ADGRF5: variants seen among roughly 807,000 people sequenced by gnomAD.
ADGRF5 encodes the protein G-protein coupled receptor 116.
ADGRF5 carries 75 observed loss-of-function variants against 132.3 expected under a neutral mutation model. That is an observed-to-expected ratio of 0.57 (90% CI 0.47 to 0.69). The LOEUF is 0.69. Among genes scored for constraint, ADGRF5 ranks in the 30% least tolerant of loss-of-function variants. The pLI is 0.00. For missense variants in ADGRF5, 1,516 were observed against 1,630.6 expected (o/e 0.93, Z 1.21); for synonymous variants, 629 against 597.6 (o/e 1.05, Z -0.77).
rs958621072 is a variant in ADGRF5, at chr6:46,872,125, C to A, written c.1241-112G>T. ...AAGGAGTTACTATTTAAATAGATTT[C>A]TTCTCTGAATGGAGAAGTTGGGTTT... On this transcript the variant is annotated intron_variant, in intron 10 of 20. Transcript: ENST00000283296. 31 of 726,970 alleles carry A rather than the reference C, an allele frequency of 4.3e-5. No individual in the cohort carries two copies. In the Admixed American group the frequency reaches 8.3e-4, roughly 19 times the overall value. 45.0% of individuals were successfully genotyped at this position (726,970 alleles called of 1,614,324 possible).
chr6:46,889,550 A>ATG (rs1278635295), intron 3 of ADGRF5, among the ~76,000 whole-genome samples: 9 of 68,940 alleles, frequency 1.3e-4, no homozygotes, highest in African/African-American at 4.6e-4. Context: ...CACTATATAT[A>ATG]TATGTGTGTG....
intron 10 of ADGRF5, among the ~76,000 whole-genome samples, chr6:46,876,597 A>G (rs1581798700): frequency 1.3e-5 from 2 of 151,954 alleles, no homozygotes; most frequent in African/African-American, 4.8e-5. Flanking sequence ...CTGTAAATTG[A>G]TAGTTTTTGT....
At chr6:46,887,621 T>G (rs1168588283) in intron 4 of ADGRF5, among the ~76,000 whole-genome samples, 2 of 152,170 alleles carry the variant, frequency 1.3e-5, no homozygotes, top group East Asian at 3.8e-4. Flanking sequence ...CAAGAAGAAT[T>G]TCAAAAACAG....
intron 1 of ADGRF5, among the ~76,000 whole-genome samples, chr6:46,948,252 C>T (rs980056680): frequency 4.6e-5 from 7 of 152,132 alleles, no homozygotes. Flanking sequence ...GCACAAGTTT[C>T]TTGTAAGAAG....
intron 6 of ADGRF5, 149 bp downstream of exon 6, chr6:46,883,410 C>T (rs2150841768): frequency 1.6e-6 from 1 of 619,660 alleles, no homozygotes; most frequent in African/African-American, 1.9e-5. Context: ...GATTTGAGCA[C>T]ATATTAATTC....
At chr6:46,910,537 C>A (rs1164646045) in intron 1 of ADGRF5, among the ~76,000 whole-genome samples, 2 of 152,058 alleles carry the variant, frequency 1.3e-5, no homozygotes, top group South Asian at 4.1e-4. Context: ...ATTAAATTAC[C>A]CCCATTTTTC....
intron 3 of ADGRF5, among the ~76,000 whole-genome samples, chr6:46,890,670 T>C (rs1215168696): frequency 6.6e-6 from 1 of 152,034 alleles, no homozygotes; most frequent in African/African-American, 2.4e-5. Context: ...TGAGCTGATA[T>C]CGTGCCACTG....
At chr6:46,863,568 C>G (rs1381811222) in intron 14 of ADGRF5, among the ~76,000 whole-genome samples, 1 of 152,142 alleles carries the variant, frequency 6.6e-6, no homozygotes, top group Non-Finnish European at 1.5e-5. Context: ...ATATTCTAAT[C>G]AATATGTTTA....
At chr6:46,915,011 A>T (rs1193992613) in intron 1 of ADGRF5, among the ~76,000 whole-genome samples, 2 of 151,802 alleles carry the variant, frequency 1.3e-5, no homozygotes, top group East Asian at 3.9e-4. Flanking sequence ...ACATGCCACC[A>T]TGCCCGGCTG....
At chr6:46,945,651 G>A (rs1362492163) in intron 1 of ADGRF5, among the ~76,000 whole-genome samples, 1 of 152,240 alleles carries the variant, frequency 6.6e-6, no homozygotes, top group African/African-American at 2.4e-5. Context: ...GGGGTGACCT[G>A]TGAAAAGGAA....
At chr6:46,905,636 A>G (rs1014116092) in intron 2 of ADGRF5, among the ~76,000 whole-genome samples, 2 of 152,238 alleles carry the variant, frequency 1.3e-5, no homozygotes, top group African/African-American at 4.8e-5. Flanking sequence ...AAACAAAAGC[A>G]GAAATGACAA....
chr6:46,855,713 A>C (rs1768954108), intron 20 of ADGRF5, among the ~76,000 whole-genome samples: 1 of 152,228 alleles, frequency 6.6e-6, no homozygotes, highest in African/African-American at 2.4e-5. Context: ...ATTTTGACAG[A>C]TAGCTCTCCA....
At chr6:46,908,001 G>T (rs1775566562) in intron 1 of ADGRF5, 2 of 152,172 alleles carry the variant, frequency 1.3e-5, no homozygotes, top group African/African-American at 2.4e-5. Flanking sequence ...CTGCAGTGTT[G>T]CAGGGAGCGC....
chr6:46,931,891 G>A (rs1216085207), intron 1 of ADGRF5, among the ~76,000 whole-genome samples: 2 of 152,124 alleles, frequency 1.3e-5, no homozygotes, highest in East Asian at 3.8e-4. Context: ...TTGCGCTCCA[G>A]CCTGGGTGAC....
intron 1 of ADGRF5, among the ~76,000 whole-genome samples, chr6:46,942,404 AG>A (rs1256801319): frequency 6.6e-6 from 1 of 152,228 alleles, no homozygotes; most frequent in Non-Finnish European, 1.5e-5. Context: ...GAGATGCTTA[AG>A]AGGGTAAAAG....
chr6:46,904,935 G>A (rs1775161523), intron 2 of ADGRF5, among the ~76,000 whole-genome samples: 2 of 152,158 alleles, frequency 1.3e-5, no homozygotes, highest in East Asian at 1.9e-4. Context: ...CCTTTGAGGT[G>A]AGTTGTAGGA....
At chr6:46,900,753 C>T (rs958917414) in intron 2 of ADGRF5, among the ~76,000 whole-genome samples, 13 of 152,226 alleles carry the variant, frequency 8.5e-5, no homozygotes, top group African/African-American at 3.1e-4. Context: ...AGAATAATAA[C>T]AATATCAACT....
chr6:46,874,311 T>C (rs1046683872), intron 10 of ADGRF5, among the ~76,000 whole-genome samples: 1 of 152,224 alleles, frequency 6.6e-6, no homozygotes, highest in African/African-American at 2.4e-5. Flanking sequence ...TCCATGCCTC[T>C]GTTCACACCT....
intron 11 of ADGRF5, 120 bp from the exon 12 acceptor site, chr6:46,869,212 T>A: frequency 6.6e-7 from 1 of 1,504,002 alleles, no homozygotes; most frequent in Non-Finnish European, 8.8e-7. Flanking sequence ...AAATGAACCA[T>A]CCTGACTCTA....
Sources: gnomAD v4.1 joint callset for allele counts (sites outside exome capture counted in the v4.1 genomes callset) on GRCh38, gnomAD v4.1.1 for gene constraint, MANE v1.5 for transcripts, NCBI Gene and HGNC (gene_info 2026-07-23, HGNC 2026-07-21) for gene names.